Variants in PCDH15 observed in about 807,000 individuals in gnomAD.
PCDH15 encodes the protein protocadherin related 15, also known as protocadherin-15.
In PCDH15, 129 loss-of-function variants were observed where a neutral mutation model predicts 178.5. The observed-to-expected ratio is 0.72, with a 90% CI of 0.63 to 0.84. The LOEUF (loss-of-function observed/expected upper bound fraction) is 0.84. Among genes scored for constraint, PCDH15 ranks in the 40% least tolerant of loss-of-function variants. PCDH15 has a pLI of 0.00. For missense variants in PCDH15, 2,230 were observed against 2,099.9 expected (o/e 1.06, Z -1.21); for synonymous variants, 800 against 732.0 (o/e 1.09, Z -1.50).
intron 1 of PCDH15, among the ~76,000 whole-genome samples, chr10:54,725,258 C>G (rs1015040046): frequency 6.6e-6 from 1 of 150,874 alleles, no homozygotes; most frequent in Non-Finnish European, 1.5e-5. Context: ...ATTATAGTCA[C>G]AGACACTAAA....
chr10:55,167,305 G>A (rs189468351), intron 1 of PCDH15, among the ~76,000 whole-genome samples: 49 of 151,972 alleles, frequency 3.2e-4, no homozygotes, highest in Non-Finnish European at 5.1e-4. Context: ...GTACAGTTTC[G>A]TAGTTTTGCC....
At chr10:54,936,533 TG>T (rs1276793833) in intron 2 of PCDH15, among the ~76,000 whole-genome samples, 1 of 151,958 alleles carries the variant, frequency 6.6e-6, no homozygotes, top group Non-Finnish European at 1.5e-5. Context: ...ACATCCTTAT[TG>T]ATATCTATTT....
intron 2 of PCDH15, among the ~76,000 whole-genome samples, chr10:55,109,622 C>A (rs553026109): frequency 2.4e-4 from 37 of 152,138 alleles, no homozygotes; most frequent in African/African-American, 7.7e-4. Flanking sequence ...GTTATAAGGT[C>A]GGTGAAAAAT....
chr10:54,779,788 T>C (rs1950187172), intron 1 of PCDH15, among the ~76,000 whole-genome samples: 1 of 151,896 alleles, frequency 6.6e-6, no homozygotes, highest in Non-Finnish European at 1.5e-5. Context: ...ATCAACATTG[T>C]CGATTTGTGC....
chr10:54,297,090 G>A (rs188578987), intron 8 of PCDH15, among the ~76,000 whole-genome samples: 26 of 152,224 alleles, frequency 1.7e-4, no homozygotes, highest in Admixed American at 1.5e-3. Flanking sequence ...TTGGGCAAGA[G>A]GGGTTTCTGC....
At chr10:55,510,845 A>C in intron 2 of PCDH15, among the ~76,000 whole-genome samples, 1 of 148,886 alleles carries the variant, frequency 6.7e-6, no homozygotes, top group East Asian at 2.0e-4. Context: ...CATATATACT[A>C]TATATATAAT....
At chr10:54,628,339 A>C (rs2093613638) in intron 2 of PCDH15, among the ~76,000 whole-genome samples, 1 of 152,192 alleles carries the variant, frequency 6.6e-6, no homozygotes, top group Non-Finnish European at 1.5e-5. Flanking sequence ...TGAAGTTTCC[A>C]GAGATTTACC....
chr10:55,616,405 G>A (rs1843476252), intron 2 of PCDH15, among the ~76,000 whole-genome samples: 1 of 151,982 alleles, frequency 6.6e-6, no homozygotes, highest in African/African-American at 2.4e-5. Context: ...TAAATAAAAA[G>A]GAGCTAGATG....
intron 2 of PCDH15, among the ~76,000 whole-genome samples, chr10:55,438,298 C>T (rs898546592): frequency 2.0e-5 from 3 of 151,802 alleles, no homozygotes; most frequent in African/African-American, 7.3e-5. Context: ...TAACACTATT[C>T]TATATATCAT....
At chr10:54,808,015 C>T (rs1952805639) in intron 3 of PCDH15, among the ~76,000 whole-genome samples, 1 of 151,258 alleles carries the variant, frequency 6.6e-6, no homozygotes, top group South Asian at 2.1e-4. Context: ...TTTGGCGTTC[C>T]CAGTTTCAAC....
chr10:54,633,526 G>A (rs1424703318), intron 2 of PCDH15, among the ~76,000 whole-genome samples: 1 of 152,072 alleles, frequency 6.6e-6, no homozygotes, highest in Non-Finnish European at 1.5e-5. Flanking sequence ...ATAGTGAACT[G>A]TGTGGACCAT....
intron 3 of PCDH15, among the ~76,000 whole-genome samples, chr10:54,468,091 T>A (rs532268750): frequency 6.6e-6 from 1 of 152,018 alleles, no homozygotes; most frequent in East Asian, 1.9e-4. Flanking sequence ...AAATTTTATC[T>A]TTTTTTGGAA....
At chr10:55,501,907 A>G (rs1010360615) in intron 2 of PCDH15, among the ~76,000 whole-genome samples, 1 of 151,766 alleles carries the variant, frequency 6.6e-6, no homozygotes, top group African/African-American at 2.4e-5. Flanking sequence ...ACATTAATGA[A>G]AAAACAATCT....
chr10:55,265,019 T>C (rs1842245679), intron 1 of PCDH15, among the ~76,000 whole-genome samples: 1 of 152,010 alleles, frequency 6.6e-6, no homozygotes. Flanking sequence ...TCCGAGGCAC[T>C]CCCAGTTGAG....
chr10:54,900,654 A>G (rs1954623465), intron 2 of PCDH15, among the ~76,000 whole-genome samples: 1 of 152,098 alleles, frequency 6.6e-6, no homozygotes, highest in South Asian at 2.1e-4. Context: ...ATATATTCCA[A>G]TTTGCTTAAA....
chr10:54,699,539 C>T (rs1317269329), intron 1 of PCDH15, among the ~76,000 whole-genome samples: 1 of 152,026 alleles, frequency 6.6e-6, no homozygotes, highest in African/African-American at 2.4e-5. Context: ...AATGCAGTCC[C>T]ACCTCACTTT....
chr10:55,008,744 T>C (rs993830553), intron 2 of PCDH15, among the ~76,000 whole-genome samples: 1 of 152,108 alleles, frequency 6.6e-6, no homozygotes, highest in Non-Finnish European at 1.5e-5. Context: ...AAGAACTACC[T>C]TTCATATATT....
chr10:54,711,850 C>A (rs2095430808), intron 1 of PCDH15, among the ~76,000 whole-genome samples: 1 of 151,862 alleles, frequency 6.6e-6, no homozygotes, highest in Admixed American at 6.6e-5. Context: ...AGTAGTGGGA[C>A]TAAGCAAACC....
chr10:54,538,314 T>A (rs1267008481), intron 2 of PCDH15, among the ~76,000 whole-genome samples: 6 of 152,160 alleles, frequency 3.9e-5, no homozygotes, highest in African/African-American at 1.4e-4. Flanking sequence ...AGGGTCCAGT[T>A]TAATTCTGTA....
Sources: gnomAD v4.1 joint callset for allele counts (sites outside exome capture counted in the v4.1 genomes callset) on GRCh38, gnomAD v4.1.1 for gene constraint, MANE v1.5 for transcripts, NCBI Gene and HGNC (gene_info 2026-07-23, HGNC 2026-07-21) for gene names.